Variants in SGCD observed in about 807,000 individuals in gnomAD.
SGCD encodes delta-sarcoglycan.
In SGCD, 18 loss-of-function variants were observed where a neutral mutation model predicts 36.6. That is an observed-to-expected ratio of 0.49 (90% confidence interval 0.34 to 0.73). The LOEUF is 0.73. Ranked by LOEUF, SGCD falls within the 30% of genes least tolerant of loss-of-function variation. The pLI is 0.01. For missense variants in SGCD, 387 were observed against 346.7 expected (o/e 1.12, Z -0.92); for synonymous variants, 133 against 130.6 (o/e 1.02, Z -0.12).
intron 3 of SGCD, among the ~76,000 whole-genome samples, chr5:156,137,561 C>T (rs1425235044): frequency 2.0e-5 from 3 of 151,592 alleles, no homozygotes; most frequent in Non-Finnish European, 2.9e-5. Flanking sequence ...AAATAAGATT[C>T]GACTATTTAA....
chr5:156,625,908 G>A (rs1258826588), intron 6 of SGCD, among the ~76,000 whole-genome samples: 3 of 152,098 alleles, frequency 2.0e-5, no homozygotes, highest in Non-Finnish European at 2.9e-5. Flanking sequence ...TGGAAGCGGG[G>A]GTATGTTACA....
At chr5:156,014,604 C>T (rs891211185) in intron 1 of SGCD, among the ~76,000 whole-genome samples, 7 of 152,122 alleles carry the variant, frequency 4.6e-5, no homozygotes, top group African/African-American at 1.4e-4. Context: ...CAGGAAACGT[C>T]GTAGTGGATT....
At chr5:155,900,589 A>C (rs546944844) in intron 1 of SGCD, among the ~76,000 whole-genome samples, 1,217 of 70,638 alleles carry the variant, frequency 0.017, 26 homozygotes, top group African/African-American at 0.062. Context: ...CCCACTCCAC[A>C]ACAGTCCCCA....
intron 3 of SGCD, among the ~76,000 whole-genome samples, chr5:156,178,951 A>C (rs1486981754): frequency 6.6e-6 from 1 of 152,204 alleles, no homozygotes; most frequent in Non-Finnish European, 1.5e-5. Context: ...TAATAGGTCC[A>C]ACGCATAGTC....
intron 3 of SGCD, among the ~76,000 whole-genome samples, chr5:156,460,622 C>A (rs74315535): frequency 0.02 from 3,020 of 152,212 alleles, 34 homozygotes; most frequent in Non-Finnish European, 0.032. Flanking sequence ...GACTGACTGA[C>A]TGAATGAATG....
At chr5:156,177,055 G>A (rs974068700) in intron 3 of SGCD, among the ~76,000 whole-genome samples, 2 of 152,152 alleles carry the variant, frequency 1.3e-5, no homozygotes, top group African/African-American at 4.8e-5. Context: ...AGGCTGGAGT[G>A]AGGTGACGTG....
At chr5:156,697,239 G>A (rs1318395134) in intron 7 of SGCD, among the ~76,000 whole-genome samples, 1 of 152,072 alleles carries the variant, frequency 6.6e-6, no homozygotes, top group African/African-American at 2.4e-5. Context: ...CAAATTATAT[G>A]CTATATAAAT....
At chr5:155,888,883 C>T (rs1470972377) in intron 1 of SGCD, among the ~76,000 whole-genome samples, 1 of 152,152 alleles carries the variant, frequency 6.6e-6, no homozygotes, top group East Asian at 1.9e-4. Flanking sequence ...ATGTCCACAT[C>T]CTTCACTTCT....
intron 3 of SGCD, among the ~76,000 whole-genome samples, chr5:156,129,954 T>C (rs1057226772): frequency 6.6e-6 from 1 of 152,214 alleles, no homozygotes; most frequent in Non-Finnish European, 1.5e-5. Context: ...TGAACATTCA[T>C]GCACATGTGT....
the SGCD span, among the ~76,000 whole-genome samples, chr5:155,846,488 T>G: frequency 6.6e-6 from 1 of 152,314 alleles, no homozygotes; most frequent in Non-Finnish European, 1.5e-5. Context: ...CTTCTTTAGC[T>G]CTGCCTTCTG....
chr5:156,735,490 C>G (rs1756309252), intron 7 of SGCD, among the ~76,000 whole-genome samples: 1 of 152,162 alleles, frequency 6.6e-6, no homozygotes, highest in Non-Finnish European at 1.5e-5. Context: ...TGAAGAGGAA[C>G]AGGATCAGGC....
In SGCD at chr5:156,504,910, G is replaced by C. The variant is rs1265288714; in HGVS notation, c.193-3691G>C. On this transcript the variant is annotated intron_variant, in intron 3 of 8. Coordinates refer to ENST00000337851, the MANE Select transcript of SGCD (RefSeq NM_000337.6). ...TAAGAATGTTTAGGAGTTCTTGTTT[G>C]TTTAGTAATCGTATCATGCATGTAA... Among the ~76,000 whole-genome samples, 3 of 152,312 alleles carry C rather than the reference G, an allele frequency of 2.0e-5. No individual in the cohort carries two copies. The East Asian group carries it at 5.8e-4, about 29-fold the overall frequency.
chr5:155,911,108 C>A (rs1756620425), intron 1 of SGCD, among the ~76,000 whole-genome samples: 1 of 152,046 alleles, frequency 6.6e-6, no homozygotes, highest in South Asian at 2.1e-4. Flanking sequence ...AAGGCCATGG[C>A]TCCATATCAA....
chr5:156,767,227 A>G lies in SGCD; in HGVS notation c.*7837A>G, dbSNP rs1480326027. 1 of 152,188 alleles carries G rather than the reference A, an allele frequency of 6.6e-6. No individual in the cohort carries two copies. Among genetic ancestry groups the G allele is most frequent in the Admixed American group, 6.6e-5 (1 of 15,266 alleles). 9.4% of individuals were successfully genotyped at this position (152,188 alleles called of 1,614,324 possible). A position where few individuals can be genotyped will look rare whatever the true frequency, so the allele number is the denominator to read the frequency against. ...GTCGGCACATCTAAATTTAGTGAACACAAAATTAATTTTTATCTAGTCTGT... is the reference window on the plus strand; with the variant it reads ...GTCGGCACATCTAAATTTAGTGAACGCAAAATTAATTTTTATCTAGTCTGT... On this transcript the variant is annotated 3_prime_UTR_variant, in exon 9 of 9. Coordinates refer to ENST00000337851, the MANE Select transcript of SGCD (RefSeq NM_000337.6).
intron 4 of SGCD, among the ~76,000 whole-genome samples, chr5:156,535,880 T>C (rs1464332971): frequency 6.6e-6 from 1 of 152,076 alleles, no homozygotes; most frequent in African/African-American, 2.4e-5. Flanking sequence ...GCATAAGAAA[T>C]GAGGTAATTA....
intron 7 of SGCD, among the ~76,000 whole-genome samples, chr5:156,674,845 T>A (rs2113667556): frequency 6.6e-6 from 1 of 152,308 alleles, no homozygotes; most frequent in South Asian, 2.1e-4. Context: ...ATTTTTATAG[T>A]GGTTTATAAA....
intron 3 of SGCD, among the ~76,000 whole-genome samples, chr5:156,296,711 A>T (rs975820983): frequency 6.6e-6 from 1 of 152,146 alleles, no homozygotes; most frequent in Non-Finnish European, 1.5e-5. Flanking sequence ...GGCATAACAT[A>T]TGGTTTATCC....
chr5:156,287,784 A>T (rs1400873363), intron 3 of SGCD, among the ~76,000 whole-genome samples: 2 of 152,072 alleles, frequency 1.3e-5, no homozygotes, highest in Non-Finnish European at 2.9e-5. Context: ...CTGTAATCCC[A>T]GCCCTTTGTG....
intron 4 of SGCD, among the ~76,000 whole-genome samples, chr5:156,568,437 C>T (rs990733180): frequency 7.9e-5 from 12 of 152,170 alleles, no homozygotes; most frequent in African/African-American, 2.9e-4. Context: ...GTCCTAATCC[C>T]TACTCTTCCC....
Sources: gnomAD v4.1 joint callset for allele counts (sites outside exome capture counted in the v4.1 genomes callset) on GRCh38, gnomAD v4.1.1 for gene constraint, MANE v1.5 for transcripts, NCBI Gene and HGNC (gene_info 2026-07-23, HGNC 2026-07-21) for gene names.